The following SCN9A variants were observed in gnomAD, a reference collection of about 807,000 sequenced individuals.
The protein encoded by SCN9A is sodium channel protein type 9 subunit alpha.
A neutral mutation model predicts 187.0 loss-of-function variants in SCN9A; 131 were observed. That is an observed-to-expected ratio of 0.70 (90% CI 0.61 to 0.81). The LOEUF (loss-of-function observed/expected upper bound fraction) is 0.81. Ranked by LOEUF, SCN9A falls within the 30% of genes least tolerant of loss-of-function variation. The pLI, the probability that SCN9A is intolerant of heterozygous loss-of-function variation, is 0.00. For missense variants in SCN9A, 2,252 were observed against 2,396.6 expected (o/e 0.94, Z 1.26); for synonymous variants, 809 against 808.6 (o/e 1.00, Z -0.01).
In SCN9A at chr2:166,199,986, T is replaced by G. The variant is rs553844040; in HGVS notation, c.4775-122A>C. 87 of 313,312 alleles carry G rather than the reference T, an allele frequency of 2.8e-4. No individual in the cohort carries two copies. In the African/African-American group the frequency reaches 5.1e-3, roughly 18 times the overall value. 19.4% of individuals were successfully genotyped at this position (313,312 alleles called of 1,614,324 possible). ...ATGAATTCAAGACAGTTTTTTTTTT[T>G]TTTTTTTTTTTTTTTTTTTTTTTTT... On this transcript the variant is annotated intron_variant, in intron 26 of 26. Transcript: ENST00000642356.
intron 1 of SCN9A, among the ~76,000 whole-genome samples, chr2:166,335,135 T>C (rs1001634790): frequency 6.6e-6 from 1 of 152,158 alleles, no homozygotes; most frequent in Non-Finnish European, 1.5e-5. Context: ...CATTTTGACA[T>C]TTTTGAGTTT....
At chr2:166,283,966 A>G (rs1161083014) in intron 12 of SCN9A, among the ~76,000 whole-genome samples, 1 of 152,098 alleles carries the variant, frequency 6.6e-6, no homozygotes, top group African/African-American at 2.4e-5. Flanking sequence ...GTATCATCTC[A>G]TGGGGTTGTC....
chr2:166,364,491 C>T (rs947592451), intron 1 of SCN9A, among the ~76,000 whole-genome samples: 2 of 152,154 alleles, frequency 1.3e-5, no homozygotes, highest in African/African-American at 2.4e-5. Flanking sequence ...AAATACTACA[C>T]AGCCTTAAAA....
intron 1 of SCN9A, among the ~76,000 whole-genome samples, chr2:166,346,367 T>C (rs1006360586): frequency 6.6e-6 from 1 of 152,202 alleles, no homozygotes; most frequent in African/African-American, 2.4e-5. Flanking sequence ...TTGGCATTTC[T>C]CATACTTGTC....
At chr2:166,204,297 C>A in intron 25 of SCN9A, 63 bp downstream of exon 25, 1 of 1,553,424 alleles carries the variant, frequency 6.4e-7, no homozygotes, top group Non-Finnish European at 8.8e-7. Flanking sequence ...TAAAGATGTG[C>A]ATTAAAAATG....
chr2:166,205,836 A>T (rs1169671789), intron 24 of SCN9A, among the ~76,000 whole-genome samples: 2 of 152,248 alleles, frequency 1.3e-5, no homozygotes, highest in African/African-American at 4.8e-5. Flanking sequence ...AAACAACTCC[A>T]TCAAAAAGTG....
intron 1 of SCN9A, among the ~76,000 whole-genome samples, chr2:166,318,098 G>T (rs1213461129): frequency 6.6e-6 from 1 of 152,120 alleles, no homozygotes; most frequent in Non-Finnish European, 1.5e-5. Flanking sequence ...ATGTAGCAGA[G>T]TGGTTTATCT....
rs142157838 is a variant in SCN9A, at chr2:166,365,483, C to T, written c.-51+10214G>A. Among the ~76,000 whole-genome samples the T allele has an allele frequency of 8.7e-3, 1,322 of 152,256 alleles. 5 individuals are homozygous for T. Among genetic ancestry groups the T allele is most frequent in the Non-Finnish European group, 0.014 (964 of 68,018 alleles). ...TGGTAATTTTAGCATTGGTTTATCA[C>T]GCAGCCCTCGACGCAGGTTAGTAAT... On this transcript the variant is annotated intron_variant, in intron 1 of 26. Transcript: ENST00000642356.
At chr2:166,315,293 C>T (rs564960625) in intron 1 of SCN9A, among the ~76,000 whole-genome samples, 7 of 152,190 alleles carry the variant, frequency 4.6e-5, no homozygotes, top group African/African-American at 1.2e-4. Context: ...AATTATTTGA[C>T]AGAAATCTAG....
chr2:166,248,984 T>G (rs1018622706), intron 18 of SCN9A, among the ~76,000 whole-genome samples: 3 of 152,058 alleles, frequency 2.0e-5, no homozygotes, highest in Non-Finnish European at 4.4e-5. Flanking sequence ...CCTTAACTTT[T>G]AATCCTCTTC....
chr2:166,284,630 G>A lies in SCN9A; in HGVS notation c.1797C>T (p.Ser599=). The A allele has an allele frequency of 6.2e-7, 1 of 1,613,988 alleles. No homozygotes were observed. The highest frequency in any genetic ancestry group is 2.2e-5 in the East Asian group (1 of 44,878). ...FVPHRPQERR[S]SNISQASRSP... ...ACCTACTGGCTTGGCTGATGTTACT[G>A]CTGCGTCGCTCCTGGGGTCTGTGGG... The change falls in exon 12 of 27, where the codon AGC becomes AGT. Residue 599 remains serine (S), a synonymous_variant. Transcript: ENST00000642356.
chr2:166,281,613 A>G, intron 13 of SCN9A, 66 bp downstream of exon 13: 1 of 1,478,302 alleles, frequency 6.8e-7, no homozygotes, highest in Admixed American at 1.8e-5. Context: ...GTGCCTATTT[A>G]AGGTTGACCA....
Position 166,303,223 on chromosome 2 carries a change from C to CA in SCN9A, c.767dup (p.Ser257GlufsTer18). 2 of 1,613,736 alleles carry CA rather than the reference C, an allele frequency of 1.2e-6. No homozygotes were observed. Among genetic ancestry groups the CA allele is most frequent in the Non-Finnish European group, 1.7e-6 (2 of 1,179,770 alleles). On this transcript the variant is annotated frameshift_variant, in exon 7 of 27. Coordinates refer to ENST00000642356, the MANE Select transcript of SCN9A (RefSeq NM_001365536.1). LOFTEE classifies it high-confidence loss of function. The stretch of plus-strand genomic sequence containing the variant: ...GTAGTCCAATTAGTGCAAACACACT[C>CA]AGACAGAACACAGTCAGGATCATGA...
intron 17 of SCN9A, 40 bp from the exon 18 acceptor site, chr2:166,251,925 G>T (rs1696060098): frequency 6.2e-7 from 1 of 1,606,764 alleles, no homozygotes; most frequent in Non-Finnish European, 8.5e-7. Context: ...AGTTCATTTA[G>T]AGTTCATTCA....
At chr2:166,314,606 C>T (rs1367375885) in intron 1 of SCN9A, among the ~76,000 whole-genome samples, 1 of 152,184 alleles carries the variant, frequency 6.6e-6, no homozygotes, top group Non-Finnish European at 1.5e-5. Context: ...GATATTCAAA[C>T]ACTGAATTAG....
chr2:166,367,300 T>C (rs1700440983), intron 1 of SCN9A, among the ~76,000 whole-genome samples: 1 of 152,220 alleles, frequency 6.6e-6, no homozygotes, highest in South Asian at 2.1e-4. Flanking sequence ...TCTCGCTCTG[T>C]TGCCCAGGCA....
intron 15 of SCN9A, 133 bp from the exon 16 acceptor site, chr2:166,277,472 T>A: frequency 1.7e-6 from 1 of 596,890 alleles, no homozygotes; most frequent in Non-Finnish European, 2.9e-6. Context: ...GCTAAAATAT[T>A]CTTATTTTTC....
At position 166,198,632 on chromosome 2, in the gene SCN9A, C is replaced by T. The variant is rs1158002947; in HGVS notation, c.*40G>A. On this transcript the variant is annotated 3_prime_UTR_variant, in exon 27 of 27. Transcript: ENST00000642356. ...AAGAGTTTTATTAACACAAATAAAT[C>T]ACTTTCACAGGCTGTAAACAATATA... 1 of 1,403,408 alleles carries T rather than the reference C, an allele frequency of 7.1e-7. No individual in the cohort carries two copies. 86.9% of individuals were successfully genotyped at this position (1,403,408 alleles called of 1,614,324 possible). A position where few individuals can be genotyped will look rare whatever the true frequency, so the allele number is the denominator to read the frequency against.
intron 26 of SCN9A, among the ~76,000 whole-genome samples, chr2:166,200,422 T>G (rs1484848171): frequency 6.6e-6 from 1 of 152,100 alleles, no homozygotes; most frequent in East Asian, 1.9e-4. Flanking sequence ...ATTTTTTCCC[T>G]CCATAATAGT....
Sources: gnomAD v4.1 joint callset for allele counts (sites outside exome capture counted in the v4.1 genomes callset) on GRCh38, gnomAD v4.1.1 for gene constraint, MANE v1.5 for transcripts, NCBI Gene and HGNC (gene_info 2026-07-23, HGNC 2026-07-21) for gene names.